Variants in FMNL1 observed in about 807,000 individuals in gnomAD.
FMNL1 encodes the protein formin like 1.
Under a neutral mutation model 121.3 loss-of-function variants are expected in FMNL1, and 43 were observed. That is an observed-to-expected ratio of 0.35 (90% CI 0.28 to 0.46). The LOEUF is 0.46. FMNL1 is among the 20% of genes least tolerant of loss of function. The pLI is 1.00. For synonymous variants in FMNL1, 613 were observed against 613.5 expected (o/e 1.00, Z 0.01); for missense variants, 1,191 against 1,482.4 (o/e 0.80, Z 3.23).
At chr17:45,227,658 T>TGCCC (rs1807372384) in intron 1 of FMNL1, among the ~76,000 whole-genome samples, 1 of 152,156 alleles carries the variant, frequency 6.6e-6, no homozygotes, top group Non-Finnish European at 1.5e-5. Flanking sequence ...TACCATCCCC[T>TGCCC]ACCCTGGGGT....
chr17:45,232,538 A>C, intron 3 of FMNL1, 58 bp downstream of exon 3: 1 of 1,518,098 alleles, frequency 6.6e-7, no homozygotes. Flanking sequence ...AGCTCTGGGC[A>C]GCTGGAGTAA....
rs2043704795 is a variant in FMNL1, at chr17:45,241,826, G to A, written c.1586-21G>A. The A allele has an allele frequency of 4.2e-6, 6 of 1,414,076 alleles. No homozygotes were observed. The highest frequency in any genetic ancestry group is 5.5e-6 in the Non-Finnish European group (6 of 1,092,324). 87.6% of individuals were successfully genotyped at this position (1,414,076 alleles called of 1,614,324 possible). A position where few individuals can be genotyped will look rare whatever the true frequency, so the allele number is the denominator to read the frequency against. On this transcript the variant is annotated intron_variant, in intron 14 of 26. Transcript: ENST00000331495. The surrounding 1 kb of genome is among the most constrained non-coding windows in gnomAD (Gnocchi z 7.0). ...AGGAGCTGACTCGCGCCTCCCCCAC[G>A]CCGCGCCCTCGCTGGCTCAGATCTC... is the stretch of plus-strand genomic sequence containing the variant.
In FMNL1 at chr17:45,222,086, C is replaced by T; in HGVS notation, c.-39C>T. On this transcript the variant is annotated 5_prime_UTR_variant, in exon 1 of 27. Coordinates refer to ENST00000331495, the MANE Select transcript of FMNL1 (RefSeq NM_005892.4). ...CCCGTCCCCCGGAAAGCTGGATTTCCGAGGCTGGAGGCGCCTGGCCGGCTG... is the reference window on the plus strand; with the variant it reads ...CCCGTCCCCCGGAAAGCTGGATTTCTGAGGCTGGAGGCGCCTGGCCGGCTG... 8.8e-7 allele frequency: 1 copy of T among 1,141,190 alleles called. No individual in the cohort carries two copies. The allele number at this position is 1,141,190 out of a possible 1,614,324, so 70.7% of individuals were successfully genotyped here.
chr17:45,246,736 C>A, intron 26 of FMNL1, 131 bp from the exon 27 acceptor site: 2 of 903,684 alleles, frequency 2.2e-6, no homozygotes, highest in Non-Finnish European at 3.4e-6. Context: ...AGGGGTCTGG[C>A]AAACATAAAC....
intron 1 of FMNL1, among the ~76,000 whole-genome samples, chr17:45,225,612 C>G (rs1012658498): frequency 6.6e-6 from 1 of 152,100 alleles, no homozygotes; most frequent in Non-Finnish European, 1.5e-5. Context: ...CTGGGTGAGA[C>G]GGGTAGAAGC....
chr17:45,233,574 G>T lies in FMNL1; in HGVS notation c.402-74G>T. On this transcript the variant is annotated intron_variant, in intron 4 of 26. Coordinates refer to ENST00000331495, the MANE Select transcript of FMNL1 (RefSeq NM_005892.4). The surrounding 1 kb of genome is among the most constrained non-coding windows in gnomAD (Gnocchi z 4.1). ...TTGAAAGGGCACCCCAGGGGTCCTT[G>T]CTGTCCCTGTTCTGTGCCCATGTGG... 1.3e-6 allele frequency: 2 copies of T among 1,561,766 alleles called. No homozygotes were observed.
chr17:45,224,708 G>T (rs2043298198), intron 1 of FMNL1, among the ~76,000 whole-genome samples: 1 of 152,212 alleles, frequency 6.6e-6, no homozygotes, highest in Admixed American at 6.5e-5. Context: ...AGGGTGGGTG[G>T]TGGGGGGCTA....
Position 45,233,551 on chromosome 17 carries a change from G to C in FMNL1, c.402-97G>C, listed in dbSNP as rs535940888. 9.1e-6 allele frequency: 13 copies of C among 1,435,444 alleles called. No homozygotes were observed. In the Admixed American group the frequency reaches 2.4e-4, roughly 26 times the overall value. The allele number at this position is 1,435,444 out of a possible 1,614,324, so 88.9% of individuals were successfully genotyped here. ...TGGTATCATTGGGTCTTTGGGGGTTGAAAGGGCACCCCAGGGGTCCTTGCT... is the reference window on the plus strand; with the variant it reads ...TGGTATCATTGGGTCTTTGGGGGTTCAAAGGGCACCCCAGGGGTCCTTGCT... On this transcript the variant is annotated intron_variant, in intron 4 of 26. Coordinates refer to ENST00000331495, the MANE Select transcript of FMNL1 (RefSeq NM_005892.4). The surrounding 1 kb of genome is among the most constrained non-coding windows in gnomAD (Gnocchi z 4.1).
In FMNL1 at chr17:45,241,930, G is replaced by T; in HGVS notation, c.1669G>T (p.Ala557Ser). The T allele has an allele frequency of 7.3e-7, 1 of 1,367,780 alleles. No homozygotes were observed. Among genetic ancestry groups the T allele is most frequent in the African/African-American group, 1.6e-5 (1 of 63,324 alleles). The allele number at this position is 1,367,780 out of a possible 1,614,324, so 84.7% of individuals were successfully genotyped here. A position where few individuals can be genotyped will look rare whatever the true frequency, so the allele number is the denominator to read the frequency against. The change falls in exon 15 of 27, where the codon GCC (alanine) becomes TCC (serine). Residue 557 changes from alanine to serine, a missense_variant. Physicochemically the swap from Ala to Ser is moderately conservative, Grantham distance 99. This residue lies in a region of FMNL1 where 519 missense variants were observed against 492.8 expected (regional missense o/e 1.05). Coordinates refer to ENST00000331495, the MANE Select transcript of FMNL1 (RefSeq NM_005892.4). This position sits in a 1 kb window ranked among gnomAD's most constrained non-coding sequence, Gnocchi z 7.0. ...GCCCGGCCTCCCCTCCCCGCAGGAAGCCCCGCCCTCTGCGCCCCCACAGGC... is the reference window on the plus strand; with the variant it reads ...GCCCGGCCTCCCCTCCCCGCAGGAATCCCCGCCCTCTGCGCCCCCACAGGC... ...PLPGLPSPQE[A>S]PPSAPPQAPP...
intron 11 of FMNL1, among the ~76,000 whole-genome samples, chr17:45,239,804 C>CTTTTTTTTTTTT (rs113701881): frequency 1.4e-5 from 2 of 146,854 alleles, no homozygotes; most frequent in African/African-American, 2.6e-5. Context: ...TCTATGATTG[C>CTTTTTTTTTTTT]TTTTTTTTTG....
chr17:45,233,370 C>A lies in FMNL1; in HGVS notation c.401+73C>A. The A allele has an allele frequency of 6.9e-7, 1 of 1,451,710 alleles. No individual in the cohort carries two copies. Among genetic ancestry groups the A allele is most frequent in the South Asian group, 1.3e-5 (1 of 79,690 alleles). The allele number at this position is 1,451,710 out of a possible 1,614,324, so 89.9% of individuals were successfully genotyped here. The stretch of plus-strand genomic sequence containing the variant: ...TTCCAGGCAGCTCCTGGAGCTTCCC[C>A]TTCCTACTCCCCCTGCCCCCTGCAC... On this transcript the variant is annotated intron_variant, in intron 4 of 26. Transcript: ENST00000331495. This position sits in a 1 kb window ranked among gnomAD's most constrained non-coding sequence, Gnocchi z 4.1.
In FMNL1 at chr17:45,241,889, C is replaced by A; in HGVS notation, c.1628C>A (p.Pro543Gln). The change falls in exon 15 of 27, where the codon CCG becomes CAG. Residue 543 changes from proline to glutamine, a missense_variant. Pro to Gln is a moderately conservative substitution (Grantham distance 76). Coordinates refer to ENST00000331495, the MANE Select transcript of FMNL1 (RefSeq NM_005892.4). The surrounding 1 kb of genome is among the most constrained non-coding windows in gnomAD (Gnocchi z 7.0). ...GAGCCGGCTCCCGGAGCAGCGCCAC[C>A]GCCGCCGCCCCCACTGCCCGGCCTC... ...AAEPAPGAAP[P>Q]PPPPLPGLPS... 3.5e-6 allele frequency: 5 copies of A among 1,419,510 alleles called. No homozygotes were observed. The highest frequency in any genetic ancestry group is 3.0e-5 in the East Asian group (1 of 33,852). 87.9% of individuals were successfully genotyped at this position (1,419,510 alleles called of 1,614,324 possible). A position where few individuals can be genotyped will look rare whatever the true frequency, so the allele number is the denominator to read the frequency against.
At position 45,237,904 on chromosome 17, in the gene FMNL1, C is replaced by G. The variant is rs952606679; in HGVS notation, c.894+265C>G. 7.6e-5 allele frequency: 31 copies of G among 408,386 alleles called. No homozygotes were observed. The highest frequency in any genetic ancestry group is 6.0e-4 in the African/African-American group (30 of 49,754). The allele number at this position is 408,386 out of a possible 1,614,324, so 25.3% of individuals were successfully genotyped here. ...GGACCTGCTGAACCTCTGACTCAGC[C>G]TTGCCAGATCCAAACTAGCCTTGGT... On this transcript the variant is annotated intron_variant, in intron 9 of 26. Transcript: ENST00000331495. This position sits in a 1 kb window ranked among gnomAD's most constrained non-coding sequence, Gnocchi z 4.4.
chr17:45,242,255 T>A (rs2093750986), intron 15 of FMNL1, 86 bp from the exon 16 acceptor site: 1 of 1,582,190 alleles, frequency 6.3e-7, no homozygotes, highest in Admixed American at 1.7e-5. Context: ...TGCTGCCTCC[T>A]GGCTGCCCCA....
Position 45,237,423 on chromosome 17 carries a change from T to G in FMNL1, c.800+66T>G, listed in dbSNP as rs2043575457. 6.2e-7 allele frequency: 1 copy of G among 1,610,270 alleles called. No homozygotes were observed. ...TTCTCCTACTTAGCCCCTTGCTTAC[T>G]CTGTCCTCCAGGTCTCAGAGGCTCA... On this transcript the variant is annotated intron_variant, in intron 8 of 26. Transcript: ENST00000331495. This position sits in a 1 kb window ranked among gnomAD's most constrained non-coding sequence, Gnocchi z 4.4.
intron 1 of FMNL1, among the ~76,000 whole-genome samples, chr17:45,227,609 T>G (rs903633285): frequency 3.3e-5 from 5 of 152,076 alleles, no homozygotes; most frequent in Admixed American, 6.5e-5. Context: ...TGGAGACAAG[T>G]CTGTGTTTCT....
At chr17:45,224,536 G>A (rs528572357) in intron 1 of FMNL1, among the ~76,000 whole-genome samples, 1 of 152,172 alleles carries the variant, frequency 6.6e-6, no homozygotes, top group Non-Finnish European at 1.5e-5. Context: ...GTAGTCCAGC[G>A]GCCCCAGGGA....
In FMNL1 at chr17:45,247,301, A is replaced by C; in HGVS notation, c.*443A>C. On this transcript the variant is annotated 3_prime_UTR_variant, in exon 27 of 27. Transcript: ENST00000331495. ...TGGACCTTATTTTTATATGAGATTA[A>C]TAAAGATGTTTGCAAAAGATCCGCG... 10 of 282,752 alleles carry C rather than the reference A, an allele frequency of 3.5e-5. No individual in the cohort carries two copies. Among genetic ancestry groups the C allele is most frequent in the South Asian group, 1.2e-4 (1 of 8,136 alleles). The allele number at this position is 282,752 out of a possible 1,614,324, so 17.5% of individuals were successfully genotyped here.
chr17:45,246,937 C>T lies in FMNL1; in HGVS notation c.*79C>T, dbSNP rs772535101. ...GTGCCCGTCGGCGTCCCCCGGGCCCCCCACTGCAGGTCACCTCCGACCTCT... is the reference window on the plus strand; with the variant it reads ...GTGCCCGTCGGCGTCCCCCGGGCCCTCCACTGCAGGTCACCTCCGACCTCT... On this transcript the variant is annotated 3_prime_UTR_variant, in exon 27 of 27. Transcript: ENST00000331495. The T allele has an allele frequency of 7.9e-6, 6 of 757,548 alleles. No homozygotes were observed. The highest frequency in any genetic ancestry group is 1.7e-5 in the African/African-American group (1 of 59,050). 46.9% of individuals were successfully genotyped at this position (757,548 alleles called of 1,614,324 possible).
Sources: gnomAD v4.1 joint callset for allele counts (sites outside exome capture counted in the v4.1 genomes callset) on GRCh38, gnomAD v4.1.1 for gene constraint, gnomAD v4.1.1 regional missense constraint, Gnocchi (gnomAD v3.1) non-coding constraint, MANE v1.5 for transcripts, NCBI Gene and HGNC (gene_info 2026-07-23, HGNC 2026-07-21) for gene names.